Variants in CLDN14 observed in about 807,000 individuals in gnomAD.
CLDN14 encodes claudin 14, also known as claudin-14.
A neutral mutation model predicts 2.1 loss-of-function variants in CLDN14; 2 were observed. The observed-to-expected ratio is 0.96, with a 90% CI of 0.39 to 3.01. The LOEUF is 3.01. Among genes scored for constraint, CLDN14 ranks in the 30% most tolerant of loss-of-function variants. The probability of loss-of-function intolerance (pLI) is 0.09; values close to 1 mark genes in which losing one functional copy is unlikely to be tolerated. For synonymous variants in CLDN14, 136 were observed against 154.4 expected, an observed-to-expected ratio of 0.88 and a Z score of 0.88; for missense variants, 298 against 328.0, an observed-to-expected ratio of 0.91 and a Z score of 0.71.
chr21:36,478,757 A>C (rs1172154322), intron 1 of CLDN14, among the ~76,000 whole-genome samples: 1 of 152,202 alleles, frequency 6.6e-6, no homozygotes. Flanking sequence ...AAAGCCAGTG[A>C]GGACAGCACT....
chr21:36,566,424 T>C (rs547862895), intron 1 of CLDN14, among the ~76,000 whole-genome samples: 1 of 152,192 alleles, frequency 6.6e-6, no homozygotes, highest in Admixed American at 6.5e-5. Flanking sequence ...GCCCTATGAA[T>C]GCAAATCTCA....
At chr21:36,537,806 C>T (rs902687123) in intron 1 of CLDN14, among the ~76,000 whole-genome samples, 45 of 152,038 alleles carry the variant, frequency 3.0e-4, no homozygotes, top group African/African-American at 8.0e-4. Flanking sequence ...CGTGCCTCCA[C>T]GCCTGACTAA....
chr21:36,523,781 GAGAAAGAA>G (rs56772352), intron 1 of CLDN14, among the ~76,000 whole-genome samples: 2,831 of 38,316 alleles, frequency 0.074, 345 homozygotes, highest in Admixed American at 0.19. Flanking sequence ...GAGAGAAAGA[GAGAAAGAA>G]AGAAAGAAAG....
Position 36,461,872 on chromosome 21 carries a change from A to G in CLDN14, c.-81-96T>C, listed in dbSNP as rs1004699640. The G allele has an allele frequency of 1.2e-5, 10 of 833,806 alleles. No homozygotes were observed. In the African/African-American group the frequency reaches 1.5e-4, roughly 13 times the overall value. 51.7% of individuals were successfully genotyped at this position (833,806 alleles called of 1,614,324 possible). On this transcript the variant is annotated intron_variant, in intron 1 of 1. Transcript: ENST00000399135. ...TTCTGTCACCGAAACCAAGTTTTTC[A>G]TAGGTGGTTGGTGTGGCAATTAGCA... is the stretch of plus-strand genomic sequence containing the variant.
intron 1 of CLDN14, among the ~76,000 whole-genome samples, chr21:36,512,055 G>A (rs1764771955): frequency 6.6e-6 from 1 of 152,202 alleles, no homozygotes; most frequent in South Asian, 2.1e-4. Context: ...AGTGCTGACT[G>A]TTAATGACTC....
intron 1 of CLDN14, among the ~76,000 whole-genome samples, chr21:36,546,399 C>A (rs1367101671): frequency 5.3e-5 from 8 of 152,052 alleles, no homozygotes; most frequent in Admixed American, 5.2e-4. Flanking sequence ...TTGTTCTGAG[C>A]AATGGGCTTA....
At chr21:36,511,646 T>A (rs571174033) in intron 1 of CLDN14, among the ~76,000 whole-genome samples, 1 of 152,210 alleles carries the variant, frequency 6.6e-6, no homozygotes, top group East Asian at 1.9e-4. Flanking sequence ...GCCATGTGTT[T>A]CCTTTCTTTC....
chr21:36,501,156 G>C (rs919928916), intron 2 of CLDN14, among the ~76,000 whole-genome samples: 1 of 152,078 alleles, frequency 6.6e-6, no homozygotes, highest in Non-Finnish European at 1.5e-5. Context: ...AAGAGAAAAG[G>C]ATGATGGCTT....
At chr21:36,529,054 A>G (rs2087358660) in intron 1 of CLDN14, among the ~76,000 whole-genome samples, 2 of 152,258 alleles carry the variant, frequency 1.3e-5, no homozygotes, top group Non-Finnish European at 2.9e-5. Context: ...TGTTTTGGCT[A>G]GAAAGAAACA....
chr21:36,532,888 T>C (rs1356847284), intron 1 of CLDN14, among the ~76,000 whole-genome samples: 8 of 152,302 alleles, frequency 5.3e-5, no homozygotes, highest in South Asian at 2.1e-4. Context: ...AAAGTTACCA[T>C]GCTGTCAAAT....
Position 36,498,329 on chromosome 21 carries a change from T to C in CLDN14, c.-82+12034A>G, listed in dbSNP as rs1235499356. Among the ~76,000 whole-genome samples, 2 of 152,026 alleles carry C rather than the reference T, an allele frequency of 1.3e-5. No individual in the cohort carries two copies. Among genetic ancestry groups the C allele is most frequent in the Non-Finnish European group, 2.9e-5 (2 of 67,984 alleles). On this transcript the variant is annotated intron_variant, in intron 2 of 2. Transcript: ENST00000342108. This position sits in a 1 kb window ranked among gnomAD's most constrained non-coding sequence, Gnocchi z 4.9. ...AAGATGCGTTTGTGAGCCGGGACAA[T>C]TGTGAGTGGAAAGAGAAGAAAAAAA...
At chr21:36,515,789 C>CTTTTTTTTTTTTTTTTTTTTT (rs1555850517) in intron 1 of CLDN14, among the ~76,000 whole-genome samples, 1 of 115,316 alleles carries the variant, frequency 8.7e-6, no homozygotes, top group African/African-American at 3.5e-5. Context: ...TTTATCTTCT[C>CTTTTTTTTTTTTTTTTTTTTT]TTTTTTTTTT....
At chr21:36,558,948 T>A (rs958227986) in intron 1 of CLDN14, among the ~76,000 whole-genome samples, 3 of 152,144 alleles carry the variant, frequency 2.0e-5, no homozygotes, top group African/African-American at 7.2e-5. Context: ...CAAGGGAGTA[T>A]ACTTAACAAA....
chr21:36,522,264 T>C (rs1250514408), intron 1 of CLDN14, among the ~76,000 whole-genome samples: 4 of 152,112 alleles, frequency 2.6e-5, no homozygotes, highest in African/African-American at 4.8e-5. Context: ...TGAAAATGCA[T>C]ATTATTACCC....
At chr21:36,571,768 C>T (rs893586973) in intron 1 of CLDN14, among the ~76,000 whole-genome samples, 1 of 152,154 alleles carries the variant, frequency 6.6e-6, no homozygotes, top group African/African-American at 2.4e-5. Context: ...ATTCTCTCGG[C>T]TGGAAATTCC....
chr21:36,517,626 TG>T (rs998779187), intron 1 of CLDN14, among the ~76,000 whole-genome samples: 2 of 152,174 alleles, frequency 1.3e-5, no homozygotes, highest in Non-Finnish European at 2.9e-5. Flanking sequence ...GGACTAAAAA[TG>T]TTAAATTTCA....
chr21:36,575,150 C>T (rs931132200), intron 1 of CLDN14, among the ~76,000 whole-genome samples: 3 of 152,132 alleles, frequency 2.0e-5, no homozygotes, highest in African/African-American at 7.2e-5. Flanking sequence ...TTACCAACGC[C>T]GGTCATGCTG....
At chr21:36,486,784 T>C (rs1329729426) in intron 2 of CLDN14, 2 of 789,326 alleles carry the variant, frequency 2.5e-6, no homozygotes, top group African/African-American at 3.4e-5. Flanking sequence ...ATGCGTCTTG[T>C]GATTCTTGCC....
At chr21:36,507,327 A>G (rs1387608964) in intron 2 of CLDN14, among the ~76,000 whole-genome samples, 1 of 152,202 alleles carries the variant, frequency 6.6e-6, no homozygotes, top group African/African-American at 2.4e-5. Context: ...CATAAAACCC[A>G]GAGGAACATG....
Sources: gnomAD v4.1 joint callset for allele counts (sites outside exome capture counted in the v4.1 genomes callset) on GRCh38, gnomAD v4.1.1 for gene constraint, Gnocchi (gnomAD v3.1) non-coding constraint, MANE v1.5 for transcripts, NCBI Gene and HGNC (gene_info 2026-07-23, HGNC 2026-07-21) for gene names.